PPP2R1A: variants seen among roughly 807,000 people sequenced by gnomAD.
The protein encoded by PPP2R1A is protein phosphatase 2 scaffold subunit Aalpha.
Under a neutral mutation model 67.1 loss-of-function variants are expected in PPP2R1A, and 15 were observed. The observed-to-expected ratio is 0.22, with a 90% CI of 0.15 to 0.34. The LOEUF (loss-of-function observed/expected upper bound fraction) is 0.34, where lower values mean the gene tolerates loss of function less well. Among genes scored for constraint, PPP2R1A ranks in the 10% least tolerant of loss-of-function variants. The pLI, the probability that PPP2R1A is intolerant of heterozygous loss-of-function variation, is 1.00. For missense variants in PPP2R1A, 369 were observed against 775.0 expected, an observed-to-expected ratio of 0.48 and a Z score of 6.22; for synonymous variants, 337 against 325.0, an observed-to-expected ratio of 1.04 and a Z score of -0.40.
intron 1 of PPP2R1A, among the ~76,000 whole-genome samples, chr19:52,193,251 G>C (rs573741384): frequency 6.6e-6 from 1 of 152,316 alleles, no homozygotes; most frequent in East Asian, 1.9e-4. Context: ...TAGAATCTGG[G>C]GTGGGACACA....
chr19:52,200,787 C>T, intron 1 of PPP2R1A, among the ~76,000 whole-genome samples: 1 of 151,070 alleles, frequency 6.6e-6, no homozygotes, highest in Non-Finnish European at 1.5e-5. Context: ...TCTCTCCACC[C>T]ATCTTCACAT....
intron 10 of PPP2R1A, 24 bp from the exon 11 acceptor site, chr19:52,220,165 T>G (rs778966305): frequency 6.2e-7 from 1 of 1,612,488 alleles, no homozygotes. Flanking sequence ...ACGCTTACCT[T>G]GGAACCCTTG....
At chr19:52,224,491 T>G (rs892950344) in intron 13 of PPP2R1A, among the ~76,000 whole-genome samples, 3 of 152,180 alleles carry the variant, frequency 2.0e-5, no homozygotes, top group African/African-American at 7.2e-5. Flanking sequence ...GTGATTTAGC[T>G]CTGTATTCAC....
At position 52,222,772 on chromosome 19, in the gene PPP2R1A, A is replaced by G. The variant is rs111770190; in HGVS notation, c.1661+531A>G. Among the ~76,000 whole-genome samples, 762 of 152,338 alleles carry G rather than the reference A, an allele frequency of 5.0e-3. 3 individuals are homozygous for G. The highest frequency in any genetic ancestry group is 0.014 in the Middle Eastern group (4 of 294). On this transcript the variant is annotated intron_variant, in intron 13 of 14. Coordinates refer to ENST00000322088, the MANE Select transcript of PPP2R1A (RefSeq NM_014225.6). ...TCACCTGTAATCCTAGCTATTTGGG[A>G]GGCTGAAGGCAAGAGAATTGCTTGA...
At chr19:52,208,231 G>T (rs183448249) in intron 3 of PPP2R1A, among the ~76,000 whole-genome samples, 2 of 151,320 alleles carry the variant, frequency 1.3e-5, no homozygotes, top group Admixed American at 1.3e-4. Context: ...TGCAGTGGCG[G>T]GATCTCGGCT....
chr19:52,196,368 G>A (rs2089496923), intron 1 of PPP2R1A, among the ~76,000 whole-genome samples: 1 of 152,188 alleles, frequency 6.6e-6, no homozygotes, highest in African/African-American at 2.4e-5. Flanking sequence ...ACAGAATTGG[G>A]TCAGCTCAAA....
rs1568593268 is a variant in PPP2R1A, at chr19:52,211,663, C to T, written c.503+171C>T. ...ATCCTCGAGAGTTGGTCTCTGGACA[C>T]GGCCACGTGTCAGTTTACCCACCTC... On this transcript the variant is annotated intron_variant, in intron 4 of 14. Coordinates refer to ENST00000322088, the MANE Select transcript of PPP2R1A (RefSeq NM_014225.6). The surrounding 1 kb of genome is among the most constrained non-coding windows in gnomAD (Gnocchi z 5.3). 3.0e-6 allele frequency: 2 copies of T among 673,114 alleles called. No homozygotes were observed. The highest frequency in any genetic ancestry group is 2.0e-5 in the South Asian group (1 of 51,170). The allele number at this position is 673,114 out of a possible 1,614,324, so 41.7% of individuals were successfully genotyped here. A position where few individuals can be genotyped will look rare whatever the true frequency, so the allele number is the denominator to read the frequency against.
At chr19:52,208,403 A>G (rs1215359641) in intron 3 of PPP2R1A, among the ~76,000 whole-genome samples, 1 of 152,112 alleles carries the variant, frequency 6.6e-6, no homozygotes, top group Non-Finnish European at 1.5e-5. Context: ...TCCTGACCTC[A>G]GGTGATCCAC....
chr19:52,211,534 G>T lies in PPP2R1A; in HGVS notation c.503+42G>T, dbSNP rs760279181. ...TTGGAAGCTCCAAGCTCCCATCTCAGCTCCAACCTTCTCTAAAGCCTCAGA... is the reference window on the plus strand; with the variant it reads ...TTGGAAGCTCCAAGCTCCCATCTCATCTCCAACCTTCTCTAAAGCCTCAGA... On this transcript the variant is annotated intron_variant, in intron 4 of 14. Transcript: ENST00000322088. This position sits in a 1 kb window ranked among gnomAD's most constrained non-coding sequence, Gnocchi z 5.3. 86 of 1,561,740 alleles carry T rather than the reference G, an allele frequency of 5.5e-5. No homozygotes were observed. Among genetic ancestry groups the T allele is most frequent in the South Asian group, 4.9e-4 (41 of 84,132 alleles).
intron 1 of PPP2R1A, among the ~76,000 whole-genome samples, chr19:52,197,155 C>T (rs1188390270): frequency 6.6e-6 from 1 of 152,174 alleles, no homozygotes; most frequent in Non-Finnish European, 1.5e-5. Context: ...CTTTAACTTA[C>T]ATTTAACTTC....
At chr19:52,191,805 G>A (rs2089457019) in intron 1 of PPP2R1A, among the ~76,000 whole-genome samples, 1 of 152,208 alleles carries the variant, frequency 6.6e-6, no homozygotes, top group African/African-American at 2.4e-5. Flanking sequence ...GGATCCAGAT[G>A]TGAAACAGGT....
chr19:52,195,808 C>G (rs2089492195), intron 1 of PPP2R1A, among the ~76,000 whole-genome samples: 1 of 152,114 alleles, frequency 6.6e-6, no homozygotes. Flanking sequence ...CTCCAGGAAC[C>G]TCTGTGTGTT....
At chr19:52,196,070 G>C (rs768175625) in intron 1 of PPP2R1A, among the ~76,000 whole-genome samples, 3 of 152,162 alleles carry the variant, frequency 2.0e-5, no homozygotes, top group Non-Finnish European at 4.4e-5. Flanking sequence ...GCGCCTTGGA[G>C]ATTCCAAAGA....
At position 52,222,184 on chromosome 19, in the gene PPP2R1A, A is replaced by G; in HGVS notation, c.1604A>G (p.Asn535Ser). 2 of 1,614,182 alleles carry G rather than the reference A, an allele frequency of 1.2e-6. No homozygotes were observed. The highest frequency in any genetic ancestry group is 1.7e-6 in the Non-Finnish European group (2 of 1,180,036). Residue 535 changes from asparagine (N) to serine (S), a missense_variant, in exon 13 of 15, where the codon AAT becomes AGT. Physicochemically the swap from Asn to Ser is conservative, Grantham distance 46. Transcript: ENST00000322088. ...CGCATGGCTGGGGACCCGGTTGCCA[A>G]TGTCCGCTTCAATGTGGCCAAGTCT... ...VLRMAGDPVA[N>S]VRFNVAKSLQ...
Position 52,211,366 on chromosome 19 carries a change from C to T in PPP2R1A, c.377C>T (p.Ala126Val), listed in dbSNP as rs527266620. Residue 126 changes from alanine to valine, a missense_variant, in exon 4 of 15, where the codon GCG becomes GTG. Ala to Val is a moderately conservative substitution (Grantham distance 64). This residue lies in a region of PPP2R1A where 93 missense variants were observed against 266.5 expected (regional missense o/e 0.35). Coordinates refer to ENST00000322088, the MANE Select transcript of PPP2R1A (RefSeq NM_014225.6). The surrounding 1 kb of genome is among the most constrained non-coding windows in gnomAD (Gnocchi z 5.3). Reference protein sequence around the residue: ...SHEHSPSDLEAHFVPLVKRLA... With the variant: ...SHEHSPSDLEVHFVPLVKRLA... ...GAGCACTCGCCCTCTGACCTGGAGG[C>T]GCACTTTGTGCCGCTAGTGAAGCGG... 3.0e-5 allele frequency: 48 copies of T among 1,614,070 alleles called. No homozygotes were observed. Among genetic ancestry groups the T allele is most frequent in the Non-Finnish European group, 3.6e-5 (42 of 1,180,018 alleles).
intron 9 of PPP2R1A, among the ~76,000 whole-genome samples, chr19:52,218,271 A>G (rs1393236202): frequency 2.0e-5 from 3 of 152,114 alleles, no homozygotes; most frequent in African/African-American, 7.2e-5. Flanking sequence ...AGTCTGCTAG[A>G]AAGTTGGAGG....
rs901518255 is a variant in PPP2R1A at position 52,212,927 on chromosome 19, C to G, written c.652-28C>G. ...CAGAGCTCAGCAAGGCCTCTGCTGC[C>G]CTCCCACTGTTCCTCTCCTCTCCCT... On this transcript the variant is annotated intron_variant, in intron 5 of 14. Coordinates refer to ENST00000322088, the MANE Select transcript of PPP2R1A (RefSeq NM_014225.6). The surrounding 1 kb of genome is among the most constrained non-coding windows in gnomAD (Gnocchi z 4.1). 7 of 1,572,176 alleles carry G rather than the reference C, an allele frequency of 4.5e-6. No individual in the cohort carries two copies. In the African/African-American group the frequency reaches 8.1e-5, roughly 18 times the overall value.
chr19:52,211,521 A>C lies in PPP2R1A; in HGVS notation c.503+29A>C. 1.9e-6 allele frequency: 3 copies of C among 1,582,906 alleles called. No individual in the cohort carries two copies. The highest frequency in any genetic ancestry group is 2.2e-5 in the East Asian group (1 of 44,526). On this transcript the variant is annotated intron_variant, in intron 4 of 14. Coordinates refer to ENST00000322088, the MANE Select transcript of PPP2R1A (RefSeq NM_014225.6). This position sits in a 1 kb window ranked among gnomAD's most constrained non-coding sequence, Gnocchi z 5.3. ...AGTCTCTGCCTCCTTGGAAGCTCCA[A>C]GCTCCCATCTCAGCTCCAACCTTCT...
intron 1 of PPP2R1A, among the ~76,000 whole-genome samples, chr19:52,194,553 C>T (rs1307295982): frequency 6.6e-6 from 1 of 151,900 alleles, no homozygotes; most frequent in Non-Finnish European, 1.5e-5. Context: ...TTACAAAGCA[C>T]CCAGGACCAG....
Sources: gnomAD v4.1 joint callset for allele counts (sites outside exome capture counted in the v4.1 genomes callset) on GRCh38, gnomAD v4.1.1 for gene constraint, gnomAD v4.1.1 regional missense constraint, Gnocchi (gnomAD v3.1) non-coding constraint, MANE v1.5 for transcripts, NCBI Gene and HGNC (gene_info 2026-07-23, HGNC 2026-07-21) for gene names.